The following PIAS2 variants were observed in gnomAD, a reference collection of about 807,000 sequenced individuals.
PIAS2 encodes E3 SUMO-protein ligase PIAS2.
PIAS2 carries 19 observed loss-of-function variants against 69.7 expected under a neutral mutation model. That is an observed-to-expected ratio of 0.27 (90% CI 0.19 to 0.40). The LOEUF is 0.40. Ranked by LOEUF, PIAS2 falls within the 10% of genes least tolerant of loss-of-function variation. The pLI is 1.00. For synonymous variants in PIAS2, 261 were observed against 263.2 expected (o/e 0.99, Z 0.08); for missense variants, 624 against 757.0 (o/e 0.82, Z 2.06).
intron 12 of PIAS2, chr18:46,816,659 G>C (rs1363743290): frequency 3.8e-6 from 1 of 263,792 alleles, no homozygotes; most frequent in African/African-American, 2.3e-5. Flanking sequence ...GTAGAGAGAG[G>C]GTCTCGCTAT....
chr18:46,845,334 T>C (rs1229868429), intron 6 of PIAS2, among the ~76,000 whole-genome samples: 4 of 152,180 alleles, frequency 2.6e-5, no homozygotes, highest in African/African-American at 7.2e-5. Flanking sequence ...GTTCTAATTC[T>C]GGCAGAAGAA....
At chr18:46,858,134 T>G (rs1250016444) in intron 3 of PIAS2, among the ~76,000 whole-genome samples, 3 of 151,000 alleles carry the variant, frequency 2.0e-5, no homozygotes, top group Non-Finnish European at 4.4e-5. Flanking sequence ...GGTGCAAAGA[T>G]GTGAACACCA....
intron 1 of PIAS2, chr18:46,905,934 G>C (rs915908649): frequency 1.3e-5 from 2 of 151,974 alleles, no homozygotes; most frequent in Admixed American, 1.3e-4. Context: ...CATTATGAGA[G>C]ACAAAAATCC....
At chr18:46,912,831 T>G (rs957718100) in intron 1 of PIAS2, among the ~76,000 whole-genome samples, 1 of 152,154 alleles carries the variant, frequency 6.6e-6, no homozygotes, top group South Asian at 2.1e-4. Context: ...TTTCACTATT[T>G]TGAATTTTTT....
At chr18:46,908,491 CT>C (rs2056884395) in intron 1 of PIAS2, among the ~76,000 whole-genome samples, 1 of 151,840 alleles carries the variant, frequency 6.6e-6, no homozygotes, top group South Asian at 2.1e-4. Flanking sequence ...CCACTTCACA[CT>C]GTATACAAAA....
At chr18:46,838,673 T>C (rs1044253858) in intron 8 of PIAS2, among the ~76,000 whole-genome samples, 4 of 152,250 alleles carry the variant, frequency 2.6e-5, no homozygotes. Context: ...TCTTACAGTA[T>C]GCCCAAGGCT....
At position 46,812,402 on chromosome 18, in the gene PIAS2, G is replaced by T. The variant is rs560142653; in HGVS notation, c.*31C>A. The T allele has an allele frequency of 5.8e-6, 8 of 1,390,664 alleles. No homozygotes were observed. Among genetic ancestry groups the T allele is most frequent in the South Asian group, 2.5e-5 (2 of 80,412 alleles). 86.1% of individuals were successfully genotyped at this position (1,390,664 alleles called of 1,614,324 possible). A position where few individuals can be genotyped will look rare whatever the true frequency, so the allele number is the denominator to read the frequency against. ...AGATCCAAGAAAAAGCAGTTCTGATGAATGATTCCCAGAATCAAGTGAGTC... is the reference window on the plus strand; with the variant it reads ...AGATCCAAGAAAAAGCAGTTCTGATTAATGATTCCCAGAATCAAGTGAGTC... On this transcript the variant is annotated 3_prime_UTR_variant, in exon 14 of 14. Coordinates refer to ENST00000585916, the MANE Select transcript of PIAS2 (RefSeq NM_004671.5).
rs1039047295 is a variant in PIAS2 at position 46,804,738 on chromosome 18, G to A, written c.*7695C>T. Reference sequence around the variant, plus strand: ...TACTTTGTCTTTTACCATTAACATTGTAATCTCCCTATTTCACACCTCTGT... The same window carrying A: ...TACTTTGTCTTTTACCATTAACATTATAATCTCCCTATTTCACACCTCTGT... On this transcript the variant is annotated 3_prime_UTR_variant, in exon 14 of 14. Coordinates refer to ENST00000585916, the MANE Select transcript of PIAS2 (RefSeq NM_004671.5). 2 of 152,102 alleles carry A rather than the reference G, an allele frequency of 1.3e-5. No homozygotes were observed. The highest frequency in any genetic ancestry group is 4.8e-5 in the African/African-American group (2 of 41,398). The allele number at this position is 152,102 out of a possible 1,614,324, so 9.4% of individuals were successfully genotyped here.
intron 5 of PIAS2, chr18:46,853,137 C>T (rs56188847): frequency 0.058 from 8,814 of 152,290 alleles, 303 homozygotes; most frequent in Non-Finnish European, 0.081. Flanking sequence ...ATGAGCCAGC[C>T]ATAGCGGTGC....
At chr18:46,840,861 G>A (rs2045279593) in intron 8 of PIAS2, among the ~76,000 whole-genome samples, 1 of 151,942 alleles carries the variant, frequency 6.6e-6, no homozygotes, top group South Asian at 2.1e-4. Flanking sequence ...ATGTTAAGCT[G>A]GCATTATCCA....
At chr18:46,884,611 CTCA>C (rs1030300102) in intron 2 of PIAS2, among the ~76,000 whole-genome samples, 7 of 151,842 alleles carry the variant, frequency 4.6e-5, no homozygotes, top group African/African-American at 1.7e-4. Flanking sequence ...CGCACCTGGC[CTCA>C]TGTTTTTTAA....
intron 1 of PIAS2, among the ~76,000 whole-genome samples, chr18:46,892,349 A>C (rs759039616): frequency 1.3e-5 from 2 of 152,140 alleles, no homozygotes; most frequent in African/African-American, 4.8e-5. Flanking sequence ...ATATGTCTCT[A>C]TATTTCATAA....
chr18:46,876,699 T>A lies in PIAS2; in HGVS notation c.500-12451A>T, dbSNP rs1421972364. Among the ~76,000 whole-genome samples, 195 of 34,962 alleles carry A rather than the reference T, an allele frequency of 5.6e-3. 1 individual carries two copies. Among genetic ancestry groups the A allele is most frequent in the Non-Finnish European group, 0.011 (151 of 14,120 alleles). 22.9% of individuals were successfully genotyped at this position (34,962 alleles called of 152,430 possible). A position where few individuals can be genotyped will look rare whatever the true frequency, so the allele number is the denominator to read the frequency against. ...AGGAATAAATGATCCCTTTACTAAT[T>A]TTTTTTTTTTTTTTTGAGATGGAGT... On this transcript the variant is annotated intron_variant, in intron 2 of 13. Coordinates refer to ENST00000585916, the MANE Select transcript of PIAS2 (RefSeq NM_004671.5).
rs564777869 is a variant in PIAS2, at chr18:46,891,178, A to T, written c.25-124T>A. The T allele has an allele frequency of 2.3e-3, 1,632 of 704,962 alleles. 3 individuals carry two copies. Among genetic ancestry groups the T allele is most frequent in the Non-Finnish European group, 3.1e-3 (1,269 of 406,018 alleles). 43.7% of individuals were successfully genotyped at this position (704,962 alleles called of 1,614,324 possible). A position where few individuals can be genotyped will look rare whatever the true frequency, so the allele number is the denominator to read the frequency against. The stretch of plus-strand genomic sequence containing the variant: ...TCAATTGGCATGTGCTAGTAACAGC[A>T]TTTCACATACCACTTAGAATCATTA... On this transcript the variant is annotated intron_variant, in intron 1 of 13. Coordinates refer to ENST00000585916, the MANE Select transcript of PIAS2 (RefSeq NM_004671.5).
At position 46,808,330 on chromosome 18, in the gene PIAS2, C is replaced by A. The variant is rs1330656717; in HGVS notation, c.*4103G>T. 6.6e-6 allele frequency: 1 copy of A among 152,202 alleles called. No homozygotes were observed. The highest frequency in any genetic ancestry group is 1.5e-5 in the Non-Finnish European group (1 of 68,032). 9.4% of individuals were successfully genotyped at this position (152,202 alleles called of 1,614,324 possible). A position where few individuals can be genotyped will look rare whatever the true frequency, so the allele number is the denominator to read the frequency against. On this transcript the variant is annotated 3_prime_UTR_variant, in exon 14 of 14. Coordinates refer to ENST00000585916, the MANE Select transcript of PIAS2 (RefSeq NM_004671.5). The stretch of plus-strand genomic sequence containing the variant: ...TTTTCTGTATTGTCTAAATTTTCCA[C>A]AATAAGCATGTACTACTGACATAAA...
chr18:46,901,895 T>C (rs2146175817), intron 1 of PIAS2, among the ~76,000 whole-genome samples: 1 of 152,242 alleles, frequency 6.6e-6, no homozygotes, highest in Non-Finnish European at 1.5e-5. Flanking sequence ...CACCCCTCAT[T>C]CAACACAGTA....
chr18:46,886,167 C>T (rs2053149624), intron 2 of PIAS2, among the ~76,000 whole-genome samples: 1 of 152,228 alleles, frequency 6.6e-6, no homozygotes, highest in Non-Finnish European at 1.5e-5. Context: ...GTAACCACTA[C>T]CCTACAGACC....
chr18:46,907,678 C>T (rs991268900), intron 1 of PIAS2: 5 of 152,062 alleles, frequency 3.3e-5, no homozygotes, highest in Non-Finnish European at 7.4e-5. Flanking sequence ...TGTGCAGGTC[C>T]ACTTATACGC....
At chr18:46,882,970 G>A (rs1462274872) in intron 2 of PIAS2, among the ~76,000 whole-genome samples, 1 of 151,402 alleles carries the variant, frequency 6.6e-6, no homozygotes, top group Admixed American at 6.6e-5. Context: ...CGGGTGCCTA[G>A]AATCCCAGCT....
Sources: allele counts gnomAD v4.1 joint callset (sites outside exome capture counted in the v4.1 genomes callset), GRCh38; gene constraint gnomAD v4.1.1; transcripts MANE v1.5; gene names NCBI Gene and HGNC (gene_info 2026-07-23, HGNC 2026-07-21).